Variants in KCNIP4 observed in about 807,000 individuals in gnomAD.
KCNIP4 encodes the protein Kv channel-interacting protein 4.
A neutral mutation model predicts 34.0 loss-of-function variants in KCNIP4; 12 were observed. The ratio of observed to expected loss-of-function variants is 0.35; its 90% CI spans 0.23 to 0.57. The LOEUF is 0.57. Among genes scored for constraint, KCNIP4 ranks in the 20% least tolerant of loss-of-function variants. The pLI is 0.83. For missense variants in KCNIP4, 238 were observed against 311.7 expected, an observed-to-expected ratio of 0.76 and a Z score of 1.78; for synonymous variants, 124 against 102.2, an observed-to-expected ratio of 1.21 and a Z score of -1.29.
intron 1 of KCNIP4, among the ~76,000 whole-genome samples, chr4:21,166,193 G>C (rs910288722): frequency 6.6e-6 from 1 of 152,132 alleles, no homozygotes; most frequent in Non-Finnish European, 1.5e-5. Flanking sequence ...TAGAATATGT[G>C]AAGTGCTCTC....
chr4:21,103,953 A>C lies in KCNIP4; in HGVS notation c.62-221244T>G, dbSNP rs529744418. Among the ~76,000 whole-genome samples, 62 of 152,110 alleles carry C rather than the reference A, an allele frequency of 4.1e-4. No individual in the cohort carries two copies. In the South Asian group the frequency reaches 0.011, roughly 27 times the overall value. On this transcript the variant is annotated intron_variant, in intron 1 of 8. Coordinates refer to ENST00000382152, the MANE Select transcript of KCNIP4 (RefSeq NM_025221.6). ...GGCTGCATAGTATTCCATGGTGTAC[A>C]TGGGCCACATTTTCTTAATCCAGTC...
intron 1 of KCNIP4, among the ~76,000 whole-genome samples, chr4:21,414,509 A>G (rs1724779684): frequency 6.6e-6 from 1 of 152,190 alleles, no homozygotes; most frequent in African/African-American, 2.4e-5. Flanking sequence ...AGCAGTTGCT[A>G]TGATAAACAT....
At chr4:21,929,510 CT>C (rs1425235167) in intron 1 of KCNIP4, among the ~76,000 whole-genome samples, 2 of 152,030 alleles carry the variant, frequency 1.3e-5, no homozygotes, top group African/African-American at 2.4e-5. Context: ...AAGAATAGTT[CT>C]TTCTATTGTG....
chr4:21,371,865 A>T (rs1490439658), intron 1 of KCNIP4, among the ~76,000 whole-genome samples: 2 of 147,350 alleles, frequency 1.4e-5, no homozygotes, highest in Admixed American at 6.6e-5. Flanking sequence ...TGGAGATAAT[A>T]TAAGAATCAA....
intron 3 of KCNIP4, among the ~76,000 whole-genome samples, chr4:20,759,700 A>C (rs1422169823): frequency 6.6e-6 from 1 of 152,182 alleles, no homozygotes; most frequent in Non-Finnish European, 1.5e-5. Context: ...TTGGTGCAGA[A>C]TATAAGGTTT....
chr4:21,081,690 T>C (rs560742279), intron 1 of KCNIP4, among the ~76,000 whole-genome samples: 2 of 151,982 alleles, frequency 1.3e-5, no homozygotes, highest in South Asian at 4.1e-4. Flanking sequence ...AATTACATGA[T>C]TACAAAACAA....
At chr4:21,563,422 T>C (rs986081994) in intron 1 of KCNIP4, among the ~76,000 whole-genome samples, 1 of 152,106 alleles carries the variant, frequency 6.6e-6, no homozygotes, top group Non-Finnish European at 1.5e-5. Context: ...GCTTAATCTT[T>C]CTGTGTGTTA....
intron 1 of KCNIP4, among the ~76,000 whole-genome samples, chr4:21,296,648 A>ACCTC (rs1763856667): frequency 6.6e-6 from 1 of 151,850 alleles, no homozygotes; most frequent in South Asian, 2.1e-4. Flanking sequence ...TGGGATTATT[A>ACCTC]TTAAATCCAA....
chr4:21,093,236 T>C (rs886098025), intron 1 of KCNIP4, among the ~76,000 whole-genome samples: 29 of 152,150 alleles, frequency 1.9e-4, no homozygotes, highest in African/African-American at 6.3e-4. Flanking sequence ...GTAGGCGATA[T>C]TACAGCATCT....
chr4:21,468,031 G>T (rs1227767729), intron 1 of KCNIP4, among the ~76,000 whole-genome samples: 2 of 152,122 alleles, frequency 1.3e-5, no homozygotes, highest in African/African-American at 4.8e-5. Context: ...GATCTTCTTT[G>T]AGAGTAACCC....
intron 1 of KCNIP4, among the ~76,000 whole-genome samples, chr4:21,512,183 AC>A (rs1734390733): frequency 7.3e-6 from 1 of 136,660 alleles, no homozygotes; most frequent in African/African-American, 3.1e-5. Flanking sequence ...GAAGGAAGGA[AC>A]GAACGAAGGA....
chr4:21,537,593 G>C (rs987495588), intron 1 of KCNIP4, among the ~76,000 whole-genome samples: 4 of 152,088 alleles, frequency 2.6e-5, no homozygotes, highest in Non-Finnish European at 4.4e-5. Flanking sequence ...TGTCTACTTG[G>C]AATTTGTGAA....
At chr4:21,073,877 T>A (rs1745214937) in intron 1 of KCNIP4, among the ~76,000 whole-genome samples, 1 of 152,192 alleles carries the variant, frequency 6.6e-6, no homozygotes. Flanking sequence ...AGGCCTTTTC[T>A]GCATCTATTG....
intron 1 of KCNIP4, among the ~76,000 whole-genome samples, chr4:21,180,652 T>C (rs1244252137): frequency 2.0e-5 from 3 of 150,880 alleles, no homozygotes; most frequent in Non-Finnish European, 4.4e-5. Context: ...TTTCCTCTAA[T>C]GTTTATATGT....
intron 1 of KCNIP4, among the ~76,000 whole-genome samples, chr4:21,254,856 G>T (rs545142887): frequency 6.6e-6 from 1 of 152,152 alleles, no homozygotes; most frequent in African/African-American, 2.4e-5. Context: ...CCCTTCCAAG[G>T]ACCAGTTCCT....
Position 20,882,598 on chromosome 4 carries a change from A to T in KCNIP4, c.163+10T>A. 6.2e-7 allele frequency: 1 copy of T among 1,606,528 alleles called. No individual in the cohort carries two copies. The highest frequency in any genetic ancestry group is 1.3e-5 in the African/African-American group (1 of 74,714). ...TCGGAGGAAAAAAAAAAACAAAAAA[A>T]CAAACTTGCTTTGAATAGCAGGAGA... On this transcript the variant is annotated intron_variant, in intron 2 of 8. Coordinates refer to ENST00000382152, the MANE Select transcript of KCNIP4 (RefSeq NM_025221.6).
chr4:21,637,784 A>T (rs1330491840), intron 1 of KCNIP4, among the ~76,000 whole-genome samples: 386 of 18,064 alleles, frequency 0.021, 3 homozygotes, highest in African/African-American at 0.13. Flanking sequence ...AGTCCGTCTC[A>T]AAAAAAAAAA....
chr4:20,939,915 A>G (rs11940547), intron 1 of KCNIP4, among the ~76,000 whole-genome samples: 3,710 of 152,244 alleles, frequency 0.024, 138 homozygotes, highest in African/African-American at 0.077. Context: ...GAACTCCTGA[A>G]ATAGCACCTA....
At chr4:21,414,551 A>C (rs1724782045) in intron 1 of KCNIP4, among the ~76,000 whole-genome samples, 1 of 152,166 alleles carries the variant, frequency 6.6e-6, no homozygotes, top group Non-Finnish European at 1.5e-5. Context: ...TAAAACTAGA[A>C]CTACCATATG....
Sources: allele counts gnomAD v4.1 joint callset (sites outside exome capture counted in the v4.1 genomes callset), GRCh38; gene constraint gnomAD v4.1.1; transcripts MANE v1.5; gene names NCBI Gene and HGNC (gene_info 2026-07-23, HGNC 2026-07-21).